The following RANBP2 variants were observed in gnomAD, a reference collection of about 807,000 sequenced individuals.
RANBP2 encodes E3 SUMO-protein ligase RanBP2.
RANBP2 carries 57 observed loss-of-function variants against 303.6 expected under a neutral mutation model. That is an observed-to-expected ratio of 0.19 (90% CI 0.15 to 0.23). The LOEUF (loss-of-function observed/expected upper bound fraction) is 0.23. Ranked by LOEUF, RANBP2 falls within the 10% of genes least tolerant of loss-of-function variation. RANBP2 has a pLI of 1.00. For synonymous variants in RANBP2, 1,167 were observed against 1,301.5 expected (o/e 0.90, Z 2.23); for missense variants, 3,138 against 3,780.8 (o/e 0.83, Z 4.46).
the RANBP2 span, among the ~76,000 whole-genome samples, chr2:108,897,985 T>A: frequency 1.3e-5 from 2 of 152,080 alleles, no homozygotes; most frequent in Non-Finnish European, 2.9e-5. Flanking sequence ...ATTCCAGACA[T>A]GGGGCAGAAA....
At chr2:109,662,707 G>A in the RANBP2 span, among the ~76,000 whole-genome samples, 9 of 152,020 alleles carry the variant, frequency 5.9e-5, no homozygotes, top group Admixed American at 5.2e-4. Context: ...CACCATGCCC[G>A]GCCTCACCCT....
the RANBP2 span, among the ~76,000 whole-genome samples, chr2:109,468,162 G>A: frequency 0.01 from 1,590 of 152,320 alleles, 31 homozygotes; most frequent in African/African-American, 0.036. Context: ...ATCACAGAGT[G>A]GACTCACACA....
At chr2:109,333,084 A>G in the RANBP2 span, among the ~76,000 whole-genome samples, 30 of 152,214 alleles carry the variant, frequency 2.0e-4, no homozygotes, top group Non-Finnish European at 3.7e-4. Context: ...CTGCAGCTCC[A>G]GTGCTGCCTC....
the RANBP2 span, among the ~76,000 whole-genome samples, chr2:109,373,861 G>C: frequency 6.6e-6 from 1 of 152,134 alleles, no homozygotes; most frequent in African/African-American, 2.4e-5. Context: ...GGCTGCGTTG[G>C]GCCCCTCAGC....
the RANBP2 span, among the ~76,000 whole-genome samples, chr2:109,625,943 TG>T: frequency 6.6e-6 from 1 of 152,228 alleles, no homozygotes; most frequent in Non-Finnish European, 1.5e-5. Flanking sequence ...GAACTAGATC[TG>T]TGGTGTTCCC....
the RANBP2 span, among the ~76,000 whole-genome samples, chr2:109,799,216 C>T: frequency 2.4e-4 from 24 of 101,924 alleles, no homozygotes; most frequent in East Asian, 2.7e-3. Flanking sequence ...TCCAGCCTGG[C>T]GACAGAGCAA....
chr2:109,360,240 A>G, the RANBP2 span, among the ~76,000 whole-genome samples: 1 of 152,196 alleles, frequency 6.6e-6, no homozygotes, highest in African/African-American at 2.4e-5. Flanking sequence ...TCACTGTATT[A>G]ATAATATGTC....
chr2:108,794,250 T>A, the RANBP2 span, among the ~76,000 whole-genome samples: 2 of 152,308 alleles, frequency 1.3e-5, no homozygotes, highest in Non-Finnish European at 2.9e-5. Context: ...AAGGTTGCTT[T>A]CCATTTCTTG....
At chr2:109,368,726 AAAAG>A in the RANBP2 span, among the ~76,000 whole-genome samples, 1 of 150,818 alleles carries the variant, frequency 6.6e-6, no homozygotes, top group Non-Finnish European at 1.5e-5. Context: ...AAAAAAAAGA[AAAAG>A]AAAAAGAAAG....
chr2:109,720,162 AC>A, the RANBP2 span, among the ~76,000 whole-genome samples: 1 of 152,082 alleles, frequency 6.6e-6, no homozygotes, highest in African/African-American at 2.4e-5. Flanking sequence ...TGATGGGGAG[AC>A]CAGTATGAAA....
At chr2:109,675,700 CAA>C in the RANBP2 span, among the ~76,000 whole-genome samples, 2 of 152,106 alleles carry the variant, frequency 1.3e-5, no homozygotes, top group Non-Finnish European at 2.9e-5. Context: ...AAGAAAAAAG[CAA>C]AAGACAAAGA....
the RANBP2 span, among the ~76,000 whole-genome samples, chr2:108,917,694 G>T: frequency 1.3e-5 from 2 of 152,186 alleles, no homozygotes; most frequent in East Asian, 3.9e-4. Context: ...TGGCTGCAGG[G>T]CTGACCTCAT....
chr2:109,635,769 T>C, the RANBP2 span, among the ~76,000 whole-genome samples: 2 of 152,218 alleles, frequency 1.3e-5, no homozygotes, highest in Admixed American at 6.5e-5. Flanking sequence ...TGGATTCCAA[T>C]TAGATGCCAT....
the RANBP2 span, among the ~76,000 whole-genome samples, chr2:109,172,651 A>G: frequency 2.4e-4 from 36 of 152,132 alleles, no homozygotes; most frequent in Admixed American, 1.1e-3. Context: ...GCAGGAAGCA[A>G]TTGTTTGGGA....
At chr2:108,885,631 G>C in the RANBP2 span, among the ~76,000 whole-genome samples, 5 of 152,212 alleles carry the variant, frequency 3.3e-5, no homozygotes, top group South Asian at 1.0e-3. Context: ...CGGGTATTTG[G>C]GGTGTCCACC....
chr2:109,707,768 C>T, the RANBP2 span, among the ~76,000 whole-genome samples: 1 of 152,346 alleles, frequency 6.6e-6, no homozygotes, highest in South Asian at 2.1e-4. Flanking sequence ...GTTCAGAGCT[C>T]TTTAGTCTCA....
At chr2:108,985,159 T>C in the RANBP2 span, among the ~76,000 whole-genome samples, 1 of 152,228 alleles carries the variant, frequency 6.6e-6, no homozygotes, top group Admixed American at 6.5e-5. Context: ...TATTTCAGTA[T>C]TTGGGCTCAC....
chr2:109,726,920 A>G, the RANBP2 span, among the ~76,000 whole-genome samples: 14 of 152,284 alleles, frequency 9.2e-5, no homozygotes, highest in South Asian at 2.1e-4. Flanking sequence ...CTGTTAATCA[A>G]TTACCTCAGG....
chr2:109,639,365 A>G, the RANBP2 span, among the ~76,000 whole-genome samples: 3 of 152,188 alleles, frequency 2.0e-5, no homozygotes, highest in Admixed American at 6.5e-5. Context: ...TCACGCCTGT[A>G]ATCCCAGCAT....
Sources: allele counts gnomAD v4.1 joint callset (sites outside exome capture counted in the v4.1 genomes callset), GRCh38; gene constraint gnomAD v4.1.1; transcripts MANE v1.5; gene names NCBI Gene and HGNC (gene_info 2026-07-23, HGNC 2026-07-21).